AP4S1: variants seen among roughly 807,000 people sequenced by gnomAD.
AP4S1 encodes the protein adaptor related protein complex 4 subunit sigma 1.
A neutral mutation model predicts 19.8 loss-of-function variants in AP4S1; 23 were observed. That is an observed-to-expected ratio of 1.16 (90% CI 0.84 to 1.65). The LOEUF is 1.65. AP4S1 is among the 40% of genes most tolerant of loss of function. AP4S1 has a pLI of 0.00. For missense variants in AP4S1, 166 were observed against 172.8 expected (o/e 0.96, Z 0.22); for synonymous variants, 46 against 54.1 (o/e 0.85, Z 0.66).
In AP4S1 at chr14:31,093,003, C is replaced by G. The variant is rs915512149; in HGVS notation, c.403C>G (p.Leu135Val). ...TAACAGGGCAAGAATTCTTGCCCCT[C>G]TACTAATTCTTGATAAGATGTCAGA... Reference protein sequence around the residue: ...ETNRARILAPLLILDKMSES With the variant: ...ETNRARILAPVLILDKMSES The change falls in exon 6 of 6, where the codon CTA becomes GTA. Residue 135 changes from leucine to valine, a missense_variant. Coordinates refer to ENST00000542754, the MANE Select transcript of AP4S1 (RefSeq NM_001128126.3). 156 of 1,548,132 alleles carry G rather than the reference C, an allele frequency of 1.0e-4. No homozygotes were observed. Among genetic ancestry groups the G allele is most frequent in the Middle Eastern group, 2.3e-4 (1 of 4,410 alleles).
At chr14:31,084,721 A>T (rs750047665) in intron 5 of AP4S1, 25 of 1,612,390 alleles carry the variant, frequency 1.6e-5, no homozygotes, top group Non-Finnish European at 2.1e-5. Context: ...ATACCTTGGT[A>T]GATTTATTTA....
rs1204825713 is a variant in AP4S1 at position 31,096,250 on chromosome 14, C to G, written c.*3215C>G. The G allele has an allele frequency of 6.6e-6, 1 of 151,904 alleles. No individual in the cohort carries two copies. The highest frequency in any genetic ancestry group is 1.5e-5 in the Non-Finnish European group (1 of 68,022). 9.4% of individuals were successfully genotyped at this position (151,904 alleles called of 1,614,324 possible). The stretch of plus-strand genomic sequence containing the variant: ...TTACAGAAGAGCAATGCACTGCATC[C>G]CCCCAAAACCTTTCTATATGCTTTT... On this transcript the variant is annotated 3_prime_UTR_variant, in exon 6 of 6. Transcript: ENST00000542754.
At chr14:31,080,456 A>C (rs888767389) in intron 4 of AP4S1, 117 bp from the exon 5 acceptor site, 1 of 823,328 alleles carries the variant, frequency 1.2e-6, no homozygotes. Context: ...CCAAGCCCAG[A>C]AGCAGGTAGG....
At chr14:31,027,901 G>A (rs1884129300) in intron 1 of AP4S1, among the ~76,000 whole-genome samples, 1 of 152,108 alleles carries the variant, frequency 6.6e-6, no homozygotes, top group Admixed American at 6.5e-5. Flanking sequence ...CAGGAAAATT[G>A]CATTGAAAAT....
At position 31,069,835 on chromosome 14, in the gene AP4S1, T is replaced by C; in HGVS notation, c.139-8T>C. On this transcript the variant is annotated splice_polypyrimidine_tract_variant and splice_region_variant and intron_variant, in intron 2 of 5. Transcript: ENST00000542754. The stretch of plus-strand genomic sequence containing the variant: ...ACAGGAATTAATATCTCATTGTGTT[T>C]TGTCTAGTGCTCTTTCATTGAATAT... 1 of 1,600,568 alleles carries C rather than the reference T, an allele frequency of 6.2e-7. No individual in the cohort carries two copies. Among genetic ancestry groups the C allele is most frequent in the Non-Finnish European group, 8.6e-7 (1 of 1,167,746 alleles).
In AP4S1 at chr14:31,069,840, T is replaced by C. The variant is rs1886905553; in HGVS notation, c.139-3T>C. 6.2e-7 allele frequency: 1 copy of C among 1,606,084 alleles called. No individual in the cohort carries two copies. The highest frequency in any genetic ancestry group is 8.5e-7 in the Non-Finnish European group (1 of 1,172,714). ...AATTAATATCTCATTGTGTTTTGTC[T>C]AGTGCTCTTTCATTGAATATAAGGA... On this transcript the variant is annotated splice_polypyrimidine_tract_variant and splice_region_variant and intron_variant, in intron 2 of 5. Transcript: ENST00000542754.
At chr14:31,049,198 G>A (rs1450984848) in intron 1 of AP4S1, among the ~76,000 whole-genome samples, 1 of 151,620 alleles carries the variant, frequency 6.6e-6, no homozygotes, top group East Asian at 1.9e-4. Flanking sequence ...TGGATCATGA[G>A]GTCAGGAGAT....
intron 5 of AP4S1, chr14:31,083,594 T>A (rs1297749567): frequency 2.2e-6 from 1 of 445,492 alleles, no homozygotes; most frequent in Non-Finnish European, 4.4e-6. Flanking sequence ...ACCCTGGATC[T>A]CCTGGGCTCA....
chr14:31,076,083 G>A lies in AP4S1; in HGVS notation c.294+3110G>A, dbSNP rs138134131. Among the ~76,000 whole-genome samples the A allele has an allele frequency of 3.3e-5, 5 of 152,280 alleles. No individual in the cohort carries two copies. The East Asian group carries it at 9.6e-4, about 29-fold the overall frequency. ...CATTCATCAGTTGATGGACATTTGA[G>A]TTATTTCCAGTTTTTGGCTACTGTA... On this transcript the variant is annotated intron_variant, in intron 4 of 5. Transcript: ENST00000542754.
At chr14:31,071,236 T>A (rs1186131479) in intron 3 of AP4S1, among the ~76,000 whole-genome samples, 2 of 151,228 alleles carry the variant, frequency 1.3e-5, no homozygotes, top group Non-Finnish European at 3.0e-5. Flanking sequence ...GATTTGTTGT[T>A]TTTTATCCAT....
intron 1 of AP4S1, chr14:31,027,214 G>A (rs1884058179): frequency 6.6e-6 from 1 of 152,134 alleles, no homozygotes; most frequent in Non-Finnish European, 1.5e-5. Flanking sequence ...AGAGAAGTTT[G>A]AAGGAGACTG....
intron 3 of AP4S1, among the ~76,000 whole-genome samples, chr14:31,071,395 T>A (rs1886991078): frequency 6.6e-6 from 1 of 152,168 alleles, no homozygotes; most frequent in Non-Finnish European, 1.5e-5. Flanking sequence ...TTAATCTGGC[T>A]AGATTCATCA....
At chr14:31,038,185 G>A (rs1347459530) in intron 1 of AP4S1, among the ~76,000 whole-genome samples, 1 of 152,136 alleles carries the variant, frequency 6.6e-6, no homozygotes, top group East Asian at 1.9e-4. Context: ...TTTATTTATT[G>A]CAAGTGGAAA....
intron 5 of AP4S1, chr14:31,083,597 T>A (rs1203569668): frequency 2.3e-6 from 1 of 443,744 alleles, no homozygotes; most frequent in Non-Finnish European, 4.4e-6. Context: ...CTGGATCTCC[T>A]GGGCTCAAGT....
intron 2 of AP4S1, among the ~76,000 whole-genome samples, chr14:31,066,590 G>A (rs1886730469): frequency 6.6e-6 from 1 of 152,146 alleles, no homozygotes; most frequent in Non-Finnish European, 1.5e-5. Flanking sequence ...ATGCACCTTG[G>A]AAACGACAGT....
intron 1 of AP4S1, among the ~76,000 whole-genome samples, chr14:31,037,916 T>C (rs1007585820): frequency 5.3e-5 from 8 of 152,348 alleles, no homozygotes; most frequent in South Asian, 2.1e-4. Context: ...CACACCACTA[T>C]ACTCTGGCCT....
At chr14:31,026,359 A>G (rs1412861404) in intron 1 of AP4S1, 1 of 407,118 alleles carries the variant, frequency 2.5e-6, no homozygotes, top group African/African-American at 2.4e-5. Context: ...GGCTGCCGCC[A>G]TTACAATCCC....
intron 5 of AP4S1, among the ~76,000 whole-genome samples, chr14:31,083,883 C>T (rs561801802): frequency 1.3e-5 from 2 of 152,198 alleles, no homozygotes; most frequent in Admixed American, 1.3e-4. Context: ...ATCACATGTT[C>T]AAGGAGGACC....
chr14:31,055,807 C>A (rs957049605), intron 1 of AP4S1, among the ~76,000 whole-genome samples: 4 of 151,646 alleles, frequency 2.6e-5, no homozygotes, highest in Non-Finnish European at 5.9e-5. Context: ...TAATTGTCAT[C>A]AACTATCATT....
Sources: allele counts gnomAD v4.1 joint callset (sites outside exome capture counted in the v4.1 genomes callset), GRCh38; gene constraint gnomAD v4.1.1; transcripts MANE v1.5; gene names NCBI Gene and HGNC (gene_info 2026-07-23, HGNC 2026-07-21).